LINGO2: variants seen among roughly 807,000 people sequenced by gnomAD.
LINGO2 encodes the protein leucine-rich repeat and immunoglobulin-like domain-containing nogo receptor-interacting protein 2.
In LINGO2, 14 loss-of-function variants were observed where a neutral mutation model predicts 30.6. That is an observed-to-expected ratio of 0.46 (90% CI 0.30 to 0.72). The LOEUF is 0.72. Ranked by LOEUF, LINGO2 falls within the 30% of genes least tolerant of loss-of-function variation. The probability of loss-of-function intolerance (pLI) is 0.07; values close to 1 mark genes in which losing one functional copy is unlikely to be tolerated. For synonymous variants in LINGO2, 317 were observed against 288.5 expected, an observed-to-expected ratio of 1.10 and a Z score of -1.00; for missense variants, 729 against 751.7, an observed-to-expected ratio of 0.97 and a Z score of 0.35.
chr9:28,846,859 C>T, the LINGO2 span, among the ~76,000 whole-genome samples: 196 of 147,492 alleles, frequency 1.3e-3, 23 homozygotes, highest in East Asian at 0.036. Context: ...TTCCCACTCA[C>T]ATTTACATAT....
At chr9:27,953,805 A>G (rs1397394181) in intron 5 of LINGO2, among the ~76,000 whole-genome samples, 1 of 101,414 alleles carries the variant, frequency 9.9e-6, no homozygotes, top group East Asian at 6.0e-4. Context: ...GAACAAACTA[A>G]TACAACTGTA....
At chr9:28,510,239 A>G (rs1587780457) in intron 1 of LINGO2, among the ~76,000 whole-genome samples, 1 of 152,340 alleles carries the variant, frequency 6.6e-6, no homozygotes, top group East Asian at 1.9e-4. Context: ...CATGCAATTG[A>G]AAACCCACAT....
At chr9:28,337,099 T>C (rs1825615545) in intron 3 of LINGO2, among the ~76,000 whole-genome samples, 1 of 149,300 alleles carries the variant, frequency 6.7e-6, no homozygotes, top group Non-Finnish European at 1.5e-5. Flanking sequence ...GCATAAATAT[T>C]ATATATATAG....
the LINGO2 span, among the ~76,000 whole-genome samples, chr9:29,133,717 T>C: frequency 2.0e-5 from 3 of 152,144 alleles, no homozygotes; most frequent in Admixed American, 6.6e-5. Context: ...TAACTTCTAC[T>C]TGCTAAAGAA....
chr9:28,602,951 G>T (rs904875547), intron 1 of LINGO2, among the ~76,000 whole-genome samples: 3 of 152,104 alleles, frequency 2.0e-5, no homozygotes, highest in African/African-American at 7.2e-5. Flanking sequence ...AATAAAGACT[G>T]GCACATAGAG....
In LINGO2 at chr9:28,064,136, G is replaced by A. The variant is rs190899270; in HGVS notation, c.-86-51731C>T. Reference sequence around the variant, plus strand: ...AACTGGTGATAACAGGTCAGCCCCCGTTAGCAGCAGTGGCATAACATCAGA... The same window carrying A: ...AACTGGTGATAACAGGTCAGCCCCCATTAGCAGCAGTGGCATAACATCAGA... On this transcript the variant is annotated intron_variant, in intron 4 of 5. Transcript: ENST00000379992. 1.1e-4 allele frequency among the ~76,000 whole-genome samples: 17 copies of A among 152,254 alleles called. No homozygotes were observed. The East Asian group carries it at 2.9e-3, about 26-fold the overall frequency.
At chr9:28,844,686 T>C in the LINGO2 span, among the ~76,000 whole-genome samples, 1 of 151,746 alleles carries the variant, frequency 6.6e-6, no homozygotes, top group Non-Finnish European at 1.5e-5. Flanking sequence ...AACTTCAATA[T>C]GGGATCAGAA....
At chr9:28,909,648 A>G in the LINGO2 span, among the ~76,000 whole-genome samples, 1 of 152,034 alleles carries the variant, frequency 6.6e-6, no homozygotes, top group East Asian at 1.9e-4. Flanking sequence ...GCATCTGCTG[A>G]ATTCAGTCTC....
At chr9:27,993,316 A>T (rs1298902392) in intron 5 of LINGO2, among the ~76,000 whole-genome samples, 2 of 152,034 alleles carry the variant, frequency 1.3e-5, no homozygotes. Flanking sequence ...TTTCAGTATT[A>T]TTGTTGGTTT....
chr9:28,723,602 G>A, the LINGO2 span, among the ~76,000 whole-genome samples: 23 of 152,144 alleles, frequency 1.5e-4, no homozygotes, highest in South Asian at 1.2e-3. Context: ...TGGTGAACTC[G>A]TCAGTGCTAG....
At chr9:28,997,473 A>G in the LINGO2 span, among the ~76,000 whole-genome samples, 1 of 152,194 alleles carries the variant, frequency 6.6e-6, no homozygotes, top group South Asian at 2.1e-4. Context: ...TTTGTTAAAT[A>G]CTATGATGTG....
At chr9:28,773,088 G>T in the LINGO2 span, among the ~76,000 whole-genome samples, 1 of 152,080 alleles carries the variant, frequency 6.6e-6, no homozygotes, top group East Asian at 1.9e-4. Context: ...ACATACGGCC[G>T]GGCGCGGTGG....
the LINGO2 span, among the ~76,000 whole-genome samples, chr9:28,995,434 A>T: frequency 6.6e-6 from 1 of 152,252 alleles, no homozygotes; most frequent in Admixed American, 6.5e-5. Context: ...ACTGTAAACT[A>T]GTTCAACCAT....
chr9:28,538,835 G>T (rs1821548367), intron 1 of LINGO2, among the ~76,000 whole-genome samples: 1 of 151,964 alleles, frequency 6.6e-6, no homozygotes, highest in Non-Finnish European at 1.5e-5. Context: ...GGGTTTTGGG[G>T]TTTGTTTCCA....
At chr9:29,087,172 C>T in the LINGO2 span, among the ~76,000 whole-genome samples, 4,816 of 152,166 alleles carry the variant, frequency 0.032, 255 homozygotes, top group African/African-American at 0.11. Flanking sequence ...CCACTGCACC[C>T]GGCCCAAGAA....
At chr9:27,964,272 G>A (rs962591284) in intron 5 of LINGO2, among the ~76,000 whole-genome samples, 2 of 152,054 alleles carry the variant, frequency 1.3e-5, no homozygotes, top group Non-Finnish European at 2.9e-5. Flanking sequence ...AAAGTTTACA[G>A]GTGTAATGCT....
rs182488670 is a variant in LINGO2, at chr9:28,027,888, G to C, written c.-86-15483C>G. 5.3e-5 allele frequency among the ~76,000 whole-genome samples: 8 copies of C among 152,200 alleles called. No homozygotes were observed. The East Asian group carries it at 1.5e-3, about 29-fold the overall frequency. Reference sequence around the variant, plus strand: ...TAAATTTTTGCCTCAATATGTCTAAGACGAAATCTCATGTGTCCAGGATTG... The same window carrying C: ...TAAATTTTTGCCTCAATATGTCTAACACGAAATCTCATGTGTCCAGGATTG... On this transcript the variant is annotated intron_variant, in intron 4 of 5. Coordinates refer to ENST00000379992, the Ensembl canonical transcript of LINGO2.
chr9:28,842,809 C>G, the LINGO2 span, among the ~76,000 whole-genome samples: 2 of 151,796 alleles, frequency 1.3e-5, no homozygotes, highest in African/African-American at 2.4e-5. Flanking sequence ...AATTCTAAAT[C>G]TTCAACACTA....
intron 2 of LINGO2, among the ~76,000 whole-genome samples, chr9:28,454,610 T>C (rs1449942779): frequency 6.6e-6 from 1 of 151,980 alleles, no homozygotes; most frequent in South Asian, 2.1e-4. Flanking sequence ...AATGTACATA[T>C]ATATTCTGTA....
Sources: gnomAD v4.1 joint callset for allele counts (sites outside exome capture counted in the v4.1 genomes callset) on GRCh38, gnomAD v4.1.1 for gene constraint, MANE v1.5 for transcripts, NCBI Gene and HGNC (gene_info 2026-07-23, HGNC 2026-07-21) for gene names.